The following SNRPN variants were observed in gnomAD, a reference collection of about 807,000 sequenced individuals.
SNRPN encodes the protein small nuclear ribonucleoprotein-associated protein N.
In SNRPN, 7 loss-of-function variants were observed where a neutral mutation model predicts 25.2. The observed-to-expected ratio is 0.28, with a 90% confidence interval of 0.16 to 0.52. The LOEUF is 0.52. Among genes scored for constraint, SNRPN ranks in the 20% least tolerant of loss-of-function variants. The pLI is 0.96. For missense variants in SNRPN, 196 were observed against 322.5 expected, an observed-to-expected ratio of 0.61 and a Z score of 3.00; for synonymous variants, 124 against 110.6, an observed-to-expected ratio of 1.12 and a Z score of -0.76.
At chr15:24,833,511 G>T (rs1265626943) in intron 2 of SNRPN, among the ~76,000 whole-genome samples, 2 of 151,984 alleles carry the variant, frequency 1.3e-5, no homozygotes, top group African/African-American at 4.8e-5. Context: ...AAATCAACTG[G>T]CAAAAGGAAG....
intron 2 of SNRPN, among the ~76,000 whole-genome samples, chr15:24,893,201 CT>C (rs1281341185): frequency 6.7e-6 from 1 of 149,560 alleles, no homozygotes; most frequent in Non-Finnish European, 1.5e-5. Context: ...GAGTGAGACT[CT>C]GTCTCAAAAC....
At chr15:24,921,990 G>A (rs1416055737) in intron 3 of SNRPN, among the ~76,000 whole-genome samples, 1 of 146,904 alleles carries the variant, frequency 6.8e-6, no homozygotes, top group Non-Finnish European at 1.5e-5. Flanking sequence ...CCTGAGGTCA[G>A]GAGTTTGAGA....
chr15:24,827,598 G>A (rs2050198398), intron 1 of SNRPN, among the ~76,000 whole-genome samples: 1 of 151,156 alleles, frequency 6.6e-6, no homozygotes, highest in South Asian at 2.1e-4. Context: ...GCCAGGCGCA[G>A]TAGCTCACGT....
chr15:24,976,138 C>T (rs907713840), intron 5 of SNRPN, among the ~76,000 whole-genome samples, 167 bp from the exon 6 acceptor site: 6 of 152,138 alleles, frequency 3.9e-5, no homozygotes. Flanking sequence ...ACTATTTACC[C>T]TTGTATATTA....
At chr15:24,968,143 G>C in intron 3 of SNRPN, 61 bp downstream of exon 3, 1 of 981,580 alleles carries the variant, frequency 1.0e-6, no homozygotes, top group Non-Finnish European at 1.6e-6. Flanking sequence ...GGTGTTGGGG[G>C]TTCTCTTAAT....
chr15:24,888,281 G>A (rs1411731073), intron 2 of SNRPN, among the ~76,000 whole-genome samples: 1 of 151,792 alleles, frequency 6.6e-6, no homozygotes, highest in Non-Finnish European at 1.5e-5. Flanking sequence ...ACTAATTTTT[G>A]TATTTTTAGT....
intron 2 of SNRPN, among the ~76,000 whole-genome samples, chr15:24,901,819 C>T (rs1371972493): frequency 4.6e-5 from 7 of 152,098 alleles, no homozygotes; most frequent in Admixed American, 3.9e-4. Flanking sequence ...AAGAAAAGGA[C>T]ATGCAAATCA....
chr15:24,856,456 C>T (rs1298833483), upstream of SNRPN: 1 of 152,278 alleles, frequency 6.6e-6, no homozygotes, highest in South Asian at 2.1e-4. Flanking sequence ...GCAGAAACCC[C>T]TGCAGACATC....
chr15:24,849,682 C>T (rs563522277), intron 2 of SNRPN: 1 of 152,312 alleles, frequency 6.6e-6, no homozygotes. Context: ...GTTACTAGGA[C>T]CCAGATTTAG....
At chr15:24,873,456 C>T (rs112641902) in intron 1 of SNRPN, among the ~76,000 whole-genome samples, 31,858 of 80,706 alleles carry the variant, frequency 0.39, 9,411 homozygotes, top group African/African-American at 0.46. Flanking sequence ...TTTTGTCTCT[C>T]TTTTTTTTTG....
chr15:24,978,551 TAATA>T lies in SNRPN; in HGVS notation c.*109_*112del. 1.0e-6 allele frequency: 1 copy of T among 977,908 alleles called. No homozygotes were observed. The highest frequency in any genetic ancestry group is 1.3e-5 in the South Asian group (1 of 77,912). 60.6% of individuals were successfully genotyped at this position (977,908 alleles called of 1,614,324 possible). On this transcript the variant is annotated 3_prime_UTR_variant, in exon 10 of 10. Transcript: ENST00000390687. ...TCCCTCATTCTGCATTAATAATAGC[TAATA>T]ATAAATGCATAGAGCAATTAAACTG... is the stretch of plus-strand genomic sequence containing the variant.
chr15:24,909,905 G>A (rs767152282), intron 2 of SNRPN: 2 of 605,726 alleles, frequency 3.3e-6, no homozygotes, highest in Admixed American at 5.5e-5. Flanking sequence ...GAAGGGGAAA[G>A]CTTTTTAATC....
chr15:24,843,866 A>G (rs1020600238), intron 2 of SNRPN, among the ~76,000 whole-genome samples: 1 of 151,292 alleles, frequency 6.6e-6, no homozygotes, highest in Non-Finnish European at 1.5e-5. Flanking sequence ...CCAGCTCCTC[A>G]TGTGGCTAGG....
chr15:24,903,482 T>C (rs1344846348), intron 2 of SNRPN, among the ~76,000 whole-genome samples: 2 of 152,066 alleles, frequency 1.3e-5, no homozygotes, highest in Admixed American at 6.5e-5. Flanking sequence ...AGGAAAACGG[T>C]CAAAAACTTG....
upstream of SNRPN, among the ~76,000 whole-genome samples, chr15:24,852,654 T>C (rs746962741): frequency 1.3e-5 from 2 of 152,228 alleles, no homozygotes; most frequent in African/African-American, 2.4e-5. Flanking sequence ...CAGTGGCTTA[T>C]GCCTATAATC....
chr15:24,879,133 C>A (rs917343331), intron 1 of SNRPN, among the ~76,000 whole-genome samples: 1 of 152,112 alleles, frequency 6.6e-6, no homozygotes, highest in Admixed American at 6.6e-5. Flanking sequence ...GCCACGTATT[C>A]TTTTGAAATT....
chr15:24,900,206 A>C (rs1013552917), intron 2 of SNRPN, among the ~76,000 whole-genome samples: 1 of 152,224 alleles, frequency 6.6e-6, no homozygotes, highest in Non-Finnish European at 1.5e-5. Context: ...TTACGAACAG[A>C]AAATAACAAG....
rs1252799722 is a variant in SNRPN at position 24,974,311 on chromosome 15, G to C, written c.-143G>C. 1.3e-6 allele frequency: 1 copy of C among 744,202 alleles called. No individual in the cohort carries two copies. Among genetic ancestry groups the C allele is most frequent in the Non-Finnish European group, 2.4e-6 (1 of 412,074 alleles). 46.1% of individuals were successfully genotyped at this position (744,202 alleles called of 1,614,324 possible). ...AGCTTTAACATGCTTTCCTCTGCAG[G>C]CTCCATCTACTCTTTGAAGCTTCTG... On this transcript the variant is annotated splice_region_variant and 5_prime_UTR_variant, in exon 4 of 10. Transcript: ENST00000390687.
intron 3 of SNRPN, among the ~76,000 whole-genome samples, chr15:24,944,960 T>A (rs1459945246): frequency 6.6e-6 from 1 of 152,200 alleles, no homozygotes; most frequent in Non-Finnish European, 1.5e-5. Flanking sequence ...TCCACCCATA[T>A]TAAAGAAGGT....
Sources: allele counts gnomAD v4.1 joint callset (sites outside exome capture counted in the v4.1 genomes callset), GRCh38; gene constraint gnomAD v4.1.1; transcripts MANE v1.5; gene names NCBI Gene and HGNC (gene_info 2026-07-23, HGNC 2026-07-21).